The following NIM1K variants were observed in gnomAD, a reference collection of about 807,000 sequenced individuals.
NIM1K encodes NIM1 serine/threonine protein kinase.
A neutral mutation model predicts 37.1 loss-of-function variants in NIM1K; 35 were observed. The observed-to-expected ratio is 0.94, with a 90% CI of 0.72 to 1.25. The LOEUF (loss-of-function observed/expected upper bound fraction) is 1.25, where lower values mean the gene tolerates loss of function less well. Ranked by LOEUF, NIM1K falls within the 50% of genes most tolerant of loss-of-function variation. The pLI is 0.00. For synonymous variants in NIM1K, 234 were observed against 206.6 expected (o/e 1.13, Z -1.14); for missense variants, 564 against 548.0 (o/e 1.03, Z -0.29).
intron 2 of NIM1K, among the ~76,000 whole-genome samples, chr5:43,247,482 A>G (rs1277874895): frequency 6.6e-6 from 1 of 152,196 alleles, no homozygotes; most frequent in Non-Finnish European, 1.5e-5. Context: ...CCATCCCAAT[A>G]CACAAACTGA....
intron 2 of NIM1K, among the ~76,000 whole-genome samples, chr5:43,255,566 T>A (rs1228084990): frequency 6.6e-6 from 1 of 152,062 alleles, no homozygotes; most frequent in Non-Finnish European, 1.5e-5. Context: ...CTGGCCGACA[T>A]GGTGAAACCA....
intron 2 of NIM1K, among the ~76,000 whole-genome samples, chr5:43,275,389 T>C (rs1753322926): frequency 1.3e-5 from 2 of 152,232 alleles, no homozygotes; most frequent in Admixed American, 1.3e-4. Flanking sequence ...TACACATGCA[T>C]CCTTGTACAT....
In NIM1K at chr5:43,198,131, A is replaced by ATTTC. The variant is rs760219876; in HGVS notation, c.-695+5794_-695+5797dup. ...TCTGCACCCGCACCTGGCCAATATG[A>ATTTC]TTTCTTTCTTTCTTTCTTTCTTTCT... On this transcript the variant is annotated intron_variant, in intron 1 of 3. Transcript: ENST00000326035. Among the ~76,000 whole-genome samples the ATTTC allele has an allele frequency of 3.2e-3, 336 of 106,010 alleles. 6 individuals are homozygous for ATTTC. The highest frequency in any genetic ancestry group is 5.3e-3 in the African/African-American group (149 of 28,128). The allele number at this position is 106,010 out of a possible 152,430, so 69.5% of individuals were successfully genotyped here. A position where few individuals can be genotyped will look rare whatever the true frequency, so the allele number is the denominator to read the frequency against.
chr5:43,235,292 T>C (rs937598906), intron 1 of NIM1K, among the ~76,000 whole-genome samples: 2 of 152,262 alleles, frequency 1.3e-5, no homozygotes, highest in African/African-American at 4.8e-5. Context: ...TTATTTATTA[T>C]GCCAAATTAT....
chr5:43,214,587 G>A (rs1026877947), intron 1 of NIM1K, among the ~76,000 whole-genome samples: 4 of 151,332 alleles, frequency 2.6e-5, no homozygotes, highest in Non-Finnish European at 5.9e-5. Flanking sequence ...AGGCCGAAGC[G>A]GGCGGATCAC....
In NIM1K at chr5:43,241,620, G is replaced by A. The variant is rs139257364; in HGVS notation, c.-694-3462G>A. On this transcript the variant is annotated intron_variant, in intron 1 of 3. Transcript: ENST00000326035. ...CCCAAAGTGCTGGGATTACAGGAGT[G>A]AGCCACCGTGCCTGGCTGGATATTG... is the stretch of plus-strand genomic sequence containing the variant. Among the ~76,000 whole-genome samples, 336 of 152,108 alleles carry A rather than the reference G, an allele frequency of 2.2e-3. 12 individuals are homozygous for A. In the East Asian group the frequency reaches 0.062, roughly 28 times the overall value.
intron 2 of NIM1K, among the ~76,000 whole-genome samples, chr5:43,257,628 G>A (rs1752966091): frequency 6.6e-6 from 1 of 152,066 alleles, no homozygotes; most frequent in Admixed American, 6.6e-5. Context: ...TGGTATTACA[G>A]GCGTGAGCCA....
chr5:43,227,406 C>T (rs1198172119), intron 1 of NIM1K, among the ~76,000 whole-genome samples: 7 of 151,914 alleles, frequency 4.6e-5, no homozygotes, highest in Admixed American at 1.3e-4. Flanking sequence ...ATAAAAGAAT[C>T]GGTTCTTGGC....
At chr5:43,209,639 C>T (rs907707420) in intron 1 of NIM1K, among the ~76,000 whole-genome samples, 10 of 151,384 alleles carry the variant, frequency 6.6e-5, no homozygotes, top group African/African-American at 2.4e-4. Context: ...TTTTTTGAGA[C>T]ACAGAGTCTC....
chr5:43,205,177 A>T lies in NIM1K; in HGVS notation c.-695+12766A>T, dbSNP rs1174438466. On this transcript the variant is annotated intron_variant, in intron 1 of 3. Transcript: ENST00000326035. The stretch of plus-strand genomic sequence containing the variant: ...GTTCCACTGCACACCAGAGGGAGGC[A>T]GCAAGTGGAATTGGGTGAAACTGGA... 2.6e-5 allele frequency among the ~76,000 whole-genome samples: 4 copies of T among 152,352 alleles called. No homozygotes were observed. The East Asian group carries it at 7.7e-4, about 29-fold the overall frequency.
At chr5:43,199,204 A>AT (rs1554012805) in intron 1 of NIM1K, among the ~76,000 whole-genome samples, 4 of 94,070 alleles carry the variant, frequency 4.3e-5, no homozygotes, top group African/African-American at 1.6e-4. Context: ...AAAAAAAAAA[A>AT]ATATATATAT....
At chr5:43,199,204 A>AATATATATATAT (rs1162677436) in intron 1 of NIM1K, among the ~76,000 whole-genome samples, 3 of 94,068 alleles carry the variant, frequency 3.2e-5, no homozygotes, top group African/African-American at 7.8e-5. Context: ...AAAAAAAAAA[A>AATATATATATAT]ATATATATAT....
chr5:43,217,974 A>T (rs531959659), intron 1 of NIM1K, among the ~76,000 whole-genome samples: 44 of 151,948 alleles, frequency 2.9e-4, no homozygotes, highest in African/African-American at 1.1e-3. Context: ...GGCCTCCCAA[A>T]GTGCTGGGAT....
intron 2 of NIM1K, among the ~76,000 whole-genome samples, chr5:43,265,148 A>G (rs1753106055): frequency 6.6e-6 from 1 of 152,146 alleles, no homozygotes; most frequent in African/African-American, 2.4e-5. Flanking sequence ...CACTTCCTGA[A>G]TTTGAATGTT....
At chr5:43,257,414 C>T (rs1232564370) in intron 2 of NIM1K, among the ~76,000 whole-genome samples, 1 of 127,454 alleles carries the variant, frequency 7.8e-6, no homozygotes, top group Non-Finnish European at 1.6e-5. Context: ...GTCACCCAGG[C>T]TGGGGTGCAG....
intron 1 of NIM1K, among the ~76,000 whole-genome samples, chr5:43,212,153 C>T (rs554728441): frequency 6.6e-6 from 1 of 152,120 alleles, no homozygotes; most frequent in East Asian, 1.9e-4. Flanking sequence ...TGTGGGATCC[C>T]AGGATGGAAA....
chr5:43,245,059 A>C (rs1217185749), intron 1 of NIM1K, 23 bp from the exon 2 acceptor site: 1 of 152,244 alleles, frequency 6.6e-6, no homozygotes, highest in African/African-American at 2.4e-5. Flanking sequence ...TAGGCTAATA[A>C]ATTTCTTACT....
At position 43,272,811 on chromosome 5, in the gene NIM1K, G is replaced by A. The variant is rs561934595; in HGVS notation, c.293-4246G>A. Among the ~76,000 whole-genome samples the A allele has an allele frequency of 1.4e-4, 22 of 152,206 alleles. No homozygotes were observed. The South Asian group carries it at 3.5e-3, about 24-fold the overall frequency. ...GGCTTCTCTTGAAAAAAAATCAGAA[G>A]GTTTGACAACACTGAGCCTCCATTC... On this transcript the variant is annotated intron_variant, in intron 2 of 3. Transcript: ENST00000326035.
intron 1 of NIM1K, among the ~76,000 whole-genome samples, chr5:43,219,696 T>C (rs1752354760): frequency 6.6e-6 from 1 of 152,242 alleles, no homozygotes; most frequent in Non-Finnish European, 1.5e-5. Flanking sequence ...TTTCCTGTTC[T>C]GTGAATTATC....
Sources: allele counts gnomAD v4.1 joint callset (sites outside exome capture counted in the v4.1 genomes callset), GRCh38; gene constraint gnomAD v4.1.1; transcripts MANE v1.5; gene names NCBI Gene and HGNC (gene_info 2026-07-23, HGNC 2026-07-21).